The following ERBB4 variants were observed in gnomAD, a reference collection of about 807,000 sequenced individuals.
ERBB4 encodes the protein receptor tyrosine-protein kinase erbB-4.
A neutral mutation model predicts 158.0 loss-of-function variants in ERBB4; 42 were observed. The observed-to-expected ratio is 0.27, with a 90% confidence interval of 0.21 to 0.34. The LOEUF (loss-of-function observed/expected upper bound fraction) is 0.34. Ranked by LOEUF, ERBB4 falls within the 10% of genes least tolerant of loss-of-function variation. The pLI, the probability that ERBB4 is intolerant of heterozygous loss-of-function variation, is 1.00. For synonymous variants in ERBB4, 583 were observed against 558.7 expected (o/e 1.04, Z -0.61); for missense variants, 1,333 against 1,624.1 (o/e 0.82, Z 3.08).
At chr2:211,714,438 G>A (rs1297994908) in intron 7 of ERBB4, among the ~76,000 whole-genome samples, 2 of 152,146 alleles carry the variant, frequency 1.3e-5, no homozygotes, top group African/African-American at 2.4e-5. Context: ...GCCTTGAGGG[G>A]TGCCCAAAGC....
intron 18 of ERBB4, among the ~76,000 whole-genome samples, chr2:211,622,675 T>C (rs543972845): frequency 3.3e-5 from 5 of 152,012 alleles, no homozygotes; most frequent in African/African-American, 9.6e-5. Flanking sequence ...AAGAAATATA[T>C]TAAATGCCAG....
chr2:211,736,676 TG>T (rs1326704826), intron 5 of ERBB4, among the ~76,000 whole-genome samples: 1 of 152,178 alleles, frequency 6.6e-6, no homozygotes, highest in African/African-American at 2.4e-5. Context: ...CAATACAGCC[TG>T]CCATAATGCC....
intron 13 of ERBB4, among the ~76,000 whole-genome samples, chr2:211,677,607 G>A (rs1388371367): frequency 6.6e-6 from 1 of 151,794 alleles, no homozygotes; most frequent in East Asian, 1.9e-4. Context: ...AGGCGCAGTG[G>A]CTTACGCCTG....
intron 3 of ERBB4, among the ~76,000 whole-genome samples, chr2:211,907,047 C>G (rs2079413305): frequency 6.6e-6 from 1 of 151,706 alleles, no homozygotes; most frequent in Non-Finnish European, 1.5e-5. Flanking sequence ...CACTAAATGT[C>G]TAACATAACA....
At chr2:211,668,282 C>T (rs566232498) in intron 14 of ERBB4, among the ~76,000 whole-genome samples, 1 of 152,222 alleles carries the variant, frequency 6.6e-6, no homozygotes, top group South Asian at 2.1e-4. Context: ...TGATAGAAAA[C>T]CTAATGTCCC....
At chr2:211,885,546 C>G (rs1233075475) in intron 3 of ERBB4, among the ~76,000 whole-genome samples, 2 of 151,954 alleles carry the variant, frequency 1.3e-5, no homozygotes, top group African/African-American at 2.4e-5. Flanking sequence ...ACCTCAATCT[C>G]CTGGGTTCAA....
At chr2:211,572,515 G>A (rs1458129163) in intron 19 of ERBB4, among the ~76,000 whole-genome samples, 1 of 152,168 alleles carries the variant, frequency 6.6e-6, no homozygotes, top group Non-Finnish European at 1.5e-5. Context: ...TTCAGCCAGT[G>A]CAAAGCAGTG....
intron 19 of ERBB4, among the ~76,000 whole-genome samples, chr2:211,590,486 C>A (rs2068427863): frequency 6.6e-6 from 1 of 152,114 alleles, no homozygotes; most frequent in Non-Finnish European, 1.5e-5. Context: ...CAACCAGCAC[C>A]ACCCAGATTA....
At chr2:212,009,241 G>A (rs2076328517) in intron 2 of ERBB4, among the ~76,000 whole-genome samples, 1 of 151,896 alleles carries the variant, frequency 6.6e-6, no homozygotes, top group South Asian at 2.1e-4. Flanking sequence ...ATTAAGTTAA[G>A]GATGTTAAGA....
At chr2:211,733,082 A>AGTT (rs1324822824) in intron 5 of ERBB4, among the ~76,000 whole-genome samples, 2 of 152,190 alleles carry the variant, frequency 1.3e-5, no homozygotes, top group Non-Finnish European at 2.9e-5. Flanking sequence ...ATGACATGAT[A>AGTT]ATATTGTTAG....
intron 5 of ERBB4, among the ~76,000 whole-genome samples, chr2:211,748,152 T>C (rs1482281892): frequency 2.0e-5 from 3 of 151,990 alleles, no homozygotes; most frequent in African/African-American, 7.2e-5. Context: ...ACCAGTGATA[T>C]GGAGGAACGA....
chr2:212,422,786 G>C (rs1030876080), intron 1 of ERBB4, among the ~76,000 whole-genome samples: 1 of 152,132 alleles, frequency 6.6e-6, no homozygotes, highest in Non-Finnish European at 1.5e-5. Context: ...TAAGAGATGA[G>C]TTACCAAGTT....
chr2:212,519,188 G>C (rs1237262312), intron 1 of ERBB4, among the ~76,000 whole-genome samples: 2 of 151,970 alleles, frequency 1.3e-5, no homozygotes, highest in Non-Finnish European at 2.9e-5. Flanking sequence ...TAAGAATGTA[G>C]TATAGATCTC....
intron 20 of ERBB4, among the ~76,000 whole-genome samples, chr2:211,511,619 ATTG>A (rs1291024791): frequency 6.6e-6 from 1 of 152,096 alleles, no homozygotes; most frequent in Non-Finnish European, 1.5e-5. Context: ...GATAAGCAAA[ATTG>A]TTGTACATTG....
chr2:211,756,016 A>G (rs756994010), intron 4 of ERBB4, among the ~76,000 whole-genome samples: 6 of 152,334 alleles, frequency 3.9e-5, no homozygotes, highest in Non-Finnish European at 7.3e-5. Flanking sequence ...TGAGAGAATA[A>G]TACCTTTTTT....
intron 16 of ERBB4, among the ~76,000 whole-genome samples, chr2:211,654,609 G>A (rs1289243977): frequency 6.6e-6 from 1 of 152,184 alleles, no homozygotes; most frequent in Non-Finnish European, 1.5e-5. Context: ...AACTGGAGCA[G>A]TAAGTACCAC....
chr2:211,698,476 C>A (rs908369070), intron 12 of ERBB4, among the ~76,000 whole-genome samples: 10 of 151,542 alleles, frequency 6.6e-5, no homozygotes, highest in Non-Finnish European at 2.9e-5. Context: ...ATTTCACTAT[C>A]CTTATCCATA....
rs569137544 is a variant in ERBB4 at position 212,094,477 on chromosome 2, G to C, written c.234+30275C>G. 9.3e-5 allele frequency among the ~76,000 whole-genome samples: 14 copies of C among 150,974 alleles called. No homozygotes were observed. In the South Asian group the frequency reaches 2.9e-3, roughly 31 times the overall value. ...AAAATACAGGAAACTTCTCAATTCA[G>C]GATTGTACAAAGTTTAGATTTCAAT... On this transcript the variant is annotated intron_variant, in intron 2 of 27. Coordinates refer to ENST00000342788, the MANE Select transcript of ERBB4 (RefSeq NM_005235.3).
chr2:212,200,722 T>A (rs1014644692), intron 1 of ERBB4, among the ~76,000 whole-genome samples: 1 of 152,184 alleles, frequency 6.6e-6, no homozygotes, highest in African/African-American at 2.4e-5. Context: ...CAAAAATGAT[T>A]ATTATTTATT....
Sources: gnomAD v4.1 joint callset for allele counts (sites outside exome capture counted in the v4.1 genomes callset) on GRCh38, gnomAD v4.1.1 for gene constraint, MANE v1.5 for transcripts, NCBI Gene and HGNC (gene_info 2026-07-23, HGNC 2026-07-21) for gene names.